SYPL1: variants seen among roughly 807,000 people sequenced by gnomAD.
SYPL1 encodes the protein synaptophysin like 1.
SYPL1 carries 6 observed loss-of-function variants against 23.7 expected under a neutral mutation model. The observed-to-expected ratio is 0.25, with a 90% CI of 0.14 to 0.50. SYPL1 has a LOEUF of 0.50. SYPL1 is among the 20% of genes least tolerant of loss of function. The probability of loss-of-function intolerance (pLI) is 0.98; values close to 1 mark genes in which losing one functional copy is unlikely to be tolerated. For missense variants in SYPL1, 253 were observed against 288.9 expected (o/e 0.88, Z 0.90); for synonymous variants, 102 against 104.5 (o/e 0.98, Z 0.15).
In SYPL1 at chr7:106,095,172, T is replaced by A. The variant is rs184620985; in HGVS notation, c.403-2035A>T. The stretch of plus-strand genomic sequence containing the variant: ...TGCTACTTAACAAAAAAAAAAGTGC[T>A]ATATTTACTTCAAAAGAGAATTGAA... On this transcript the variant is annotated intron_variant, in intron 3 of 4. Transcript: ENST00000455385. The surrounding 1 kb of genome is among the most constrained non-coding windows in gnomAD (Gnocchi z 4.3). Among the ~76,000 whole-genome samples the A allele has an allele frequency of 6.6e-6, 1 of 152,204 alleles. No homozygotes were observed. Among genetic ancestry groups the A allele is most frequent in the Admixed American group, 6.5e-5 (1 of 15,292 alleles).
At position 106,102,772 on chromosome 7, in the gene SYPL1, G is replaced by A. The variant is rs534208419; in HGVS notation, c.70-3490C>T. ...ACCTTTGTTTTAAACTGCTAAGCTC[G>A]GCGTAATTTGTTATACAGCAATAGA... is the stretch of plus-strand genomic sequence containing the variant. On this transcript the variant is annotated intron_variant, in intron 1 of 4. Coordinates refer to ENST00000455385, the MANE Select transcript of SYPL1 (RefSeq NM_182715.4). Among the ~76,000 whole-genome samples, 8 of 152,246 alleles carry A rather than the reference G, an allele frequency of 5.3e-5. No individual in the cohort carries two copies. The South Asian group carries it at 1.2e-3, about 24-fold the overall frequency.
At chr7:106,112,015 G>A (rs1790182487) in intron 1 of SYPL1, 125 bp downstream of exon 1, 1 of 1,129,374 alleles carries the variant, frequency 8.9e-7, no homozygotes, top group African/African-American at 1.6e-5. Context: ...TCCACTCCCA[G>A]TCCCGGGGCG....
chr7:106,110,512 GT>G (rs1302637493), intron 1 of SYPL1, among the ~76,000 whole-genome samples: 1 of 152,156 alleles, frequency 6.6e-6, no homozygotes, highest in Non-Finnish European at 1.5e-5. Context: ...AAAAGACCAT[GT>G]TTTATTCATG....
rs1226118878 is a variant in SYPL1 at position 106,109,114 on chromosome 7, C to T, written c.69+3026G>A. Among the ~76,000 whole-genome samples, 1 of 152,166 alleles carries T rather than the reference C, an allele frequency of 6.6e-6. No homozygotes were observed. The highest frequency in any genetic ancestry group is 1.9e-4 in the East Asian group (1 of 5,196). On this transcript the variant is annotated intron_variant, in intron 1 of 4. Coordinates refer to ENST00000455385, the MANE Select transcript of SYPL1 (RefSeq NM_182715.4). This position sits in a 1 kb window ranked among gnomAD's most constrained non-coding sequence, Gnocchi z 4.3. ...TGAAGCAGTAAAAATTTTATTAAAC[C>T]TTGACCCTTGAGTTCTCTTGTCAGT... is the stretch of plus-strand genomic sequence containing the variant.
rs368641082 is a variant in SYPL1, at chr7:106,099,038, A to G, written c.194+120T>C. 92 of 1,257,414 alleles carry G rather than the reference A, an allele frequency of 7.3e-5. No individual in the cohort carries two copies. In the East Asian group the frequency reaches 1.4e-3, roughly 19 times the overall value. 77.9% of individuals were successfully genotyped at this position (1,257,414 alleles called of 1,614,324 possible). ...ACAGTTTGGGAGGTAATGATCACTT[A>G]CAAATGAGCATACAGTCTAAAATTT... On this transcript the variant is annotated intron_variant, in intron 2 of 4. Transcript: ENST00000455385.
intron 2 of SYPL1, among the ~76,000 whole-genome samples, chr7:106,098,256 G>A (rs138291420): frequency 2.0e-5 from 3 of 152,278 alleles, no homozygotes; most frequent in Non-Finnish European, 2.9e-5. Flanking sequence ...AGCCCCAAGA[G>A]AGCCAATCAC....
intron 4 of SYPL1, among the ~76,000 whole-genome samples, chr7:106,092,147 A>G (rs1219424670): frequency 6.6e-6 from 1 of 152,204 alleles, no homozygotes; most frequent in Non-Finnish European, 1.5e-5. Context: ...CTTATTCCCA[A>G]TGAAATAAGG....
At chr7:106,092,049 G>T in intron 4 of SYPL1, 110 bp from the exon 5 acceptor site, 1 of 1,077,748 alleles carries the variant, frequency 9.3e-7, no homozygotes, top group South Asian at 1.7e-5. Context: ...TAGGAAGTAC[G>T]CCATTATTTC....
At position 106,105,550 on chromosome 7, in the gene SYPL1, A is replaced by G. The variant is rs536551078; in HGVS notation, c.70-6268T>C. 6.7e-5 allele frequency among the ~76,000 whole-genome samples: 10 copies of G among 150,018 alleles called. No individual in the cohort carries two copies. The South Asian group carries it at 2.2e-3, about 33-fold the overall frequency. On this transcript the variant is annotated intron_variant, in intron 1 of 4. Coordinates refer to ENST00000455385, the MANE Select transcript of SYPL1 (RefSeq NM_182715.4). The stretch of plus-strand genomic sequence containing the variant: ...CACCATGGCAGATCTTATTCAGAGA[A>G]TTGTAACCTCAGGGTGAATAGTACA...
rs1258004594 is a variant in SYPL1, at chr7:106,096,284, ATTAC to A, written c.402+1402_402+1405del. ...AATATGAATGATAAAAGACTGTTGT[ATTAC>A]TTACCATTTCCATTCTTATGATCCA... On this transcript the variant is annotated intron_variant, in intron 3 of 4. Coordinates refer to ENST00000455385, the MANE Select transcript of SYPL1 (RefSeq NM_182715.4). The surrounding 1 kb of genome is among the most constrained non-coding windows in gnomAD (Gnocchi z 4.4). 1.3e-5 allele frequency: 2 copies of A among 152,242 alleles called. No individual in the cohort carries two copies. The highest frequency in any genetic ancestry group is 4.8e-5 in the African/African-American group (2 of 41,468). 9.4% of individuals were successfully genotyped at this position (152,242 alleles called of 1,614,324 possible).
intron 2 of SYPL1, among the ~76,000 whole-genome samples, chr7:106,098,150 C>T (rs527667681): frequency 1.6e-3 from 250 of 152,286 alleles, no homozygotes; most frequent in Admixed American, 4.4e-3. Context: ...CAGATACTAT[C>T]TTCCTGCAGT....
At chr7:106,101,357 C>T (rs1052950872) in intron 1 of SYPL1, among the ~76,000 whole-genome samples, 1 of 146,106 alleles carries the variant, frequency 6.8e-6, no homozygotes, top group African/African-American at 2.6e-5. Context: ...TAATGCTTCC[C>T]ATGGATTATT....
chr7:106,099,187 A>G lies in SYPL1; in HGVS notation c.165T>C (p.Thr55=). The G allele has an allele frequency of 3.7e-6, 6 of 1,613,496 alleles. No individual in the cohort carries two copies. The highest frequency in any genetic ancestry group is 5.1e-6 in the Non-Finnish European group (6 of 1,179,824). Residue 55 remains threonine (T), a synonymous_variant, in exon 2 of 5, where the codon ACT becomes ACC. Coordinates refer to ENST00000455385, the MANE Select transcript of SYPL1 (RefSeq NM_182715.4). The part of the protein sequence containing the change: ...NCPPAVTENK[T]VTATFGYPFR... ...ATGGATAACCAAAAGTAGCTGTAAC[A>G]GTTTTATTCTCAGTAACTGCAGGAG...
In SYPL1 at chr7:106,093,023, G is replaced by C. The variant is rs1472424124; in HGVS notation, c.517C>G (p.Pro173Ala). Residue 173 changes from proline to alanine, a missense_variant, in exon 4 of 5, where the codon CCG becomes GCG. Pro to Ala is a conservative substitution (Grantham distance 27). Transcript: ENST00000455385. ...ATGHNIIDEL[P>A]PCKKKAVLCY... The stretch of plus-strand genomic sequence containing the variant: ...AGTACTGCTTTCTTCTTACAAGGCG[G>C]AAGTTCATCAATAATATTGTGACCA... The C allele has an allele frequency of 6.2e-7, 1 of 1,613,884 alleles. No individual in the cohort carries two copies. The highest frequency in any genetic ancestry group is 2.2e-5 in the East Asian group (1 of 44,858).
intron 4 of SYPL1, chr7:106,092,633 A>G (rs1212511964): frequency 2.6e-6 from 1 of 381,978 alleles, no homozygotes; most frequent in African/African-American, 2.3e-5. Context: ...AGATCATGCC[A>G]CTGCACTCCA....
intron 1 of SYPL1, among the ~76,000 whole-genome samples, chr7:106,103,759 T>C (rs959017400): frequency 6.6e-6 from 1 of 152,238 alleles, no homozygotes; most frequent in Non-Finnish European, 1.5e-5. Context: ...AAAATTACTA[T>C]GTGGTTTGCA....
chr7:106,103,131 TC>T (rs1406717778), intron 1 of SYPL1, among the ~76,000 whole-genome samples: 6 of 152,098 alleles, frequency 3.9e-5, no homozygotes, highest in African/African-American at 1.4e-4. Flanking sequence ...ATAAGAATGT[TC>T]ATGAAAAATG....
rs774900562 is a variant in SYPL1 at position 106,095,056 on chromosome 7, T to C, written c.403-1919A>G. On this transcript the variant is annotated intron_variant, in intron 3 of 4. Coordinates refer to ENST00000455385, the MANE Select transcript of SYPL1 (RefSeq NM_182715.4). The surrounding 1 kb of genome is among the most constrained non-coding windows in gnomAD (Gnocchi z 4.3). ...TCCCAACAATTCACAATATGAGTCA[T>C]AGATTTTTAGAATTTGGGATACCCT... 6.6e-6 allele frequency among the ~76,000 whole-genome samples: 1 copy of C among 152,144 alleles called. No individual in the cohort carries two copies. Among genetic ancestry groups the C allele is most frequent in the African/African-American group, 2.4e-5 (1 of 41,438 alleles).
In SYPL1 at chr7:106,097,364, G is replaced by A. The variant is rs1274849033; in HGVS notation, c.402+326C>T. 1.3e-5 allele frequency among the ~76,000 whole-genome samples: 2 copies of A among 152,190 alleles called. No individual in the cohort carries two copies. Among genetic ancestry groups the A allele is most frequent in the Non-Finnish European group, 2.9e-5 (2 of 68,036 alleles). ...AAAAGTAAGAAGCAGAAAGAGTTAT[G>A]AGACTATGTTGTGATAAGTAATTCT... On this transcript the variant is annotated intron_variant, in intron 3 of 4. Transcript: ENST00000455385. The surrounding 1 kb of genome is among the most constrained non-coding windows in gnomAD (Gnocchi z 4.6).
Sources: allele counts gnomAD v4.1 joint callset (sites outside exome capture counted in the v4.1 genomes callset), GRCh38; gene constraint gnomAD v4.1.1; non-coding constraint Gnocchi (gnomAD v3.1); transcripts MANE v1.5; gene names NCBI Gene and HGNC (gene_info 2026-07-23, HGNC 2026-07-21).